IRAK1: variants seen among roughly 807,000 people sequenced by gnomAD.
The protein encoded by IRAK1 is interleukin 1 receptor associated kinase 1.
IRAK1 carries 9 observed loss-of-function variants against 49.8 expected under a neutral mutation model. The observed-to-expected ratio is 0.18, with a 90% CI of 0.11 to 0.32. The LOEUF is 0.32. IRAK1 is among the 10% of genes least tolerant of loss of function. The probability of loss-of-function intolerance (pLI) is 1.00; values close to 1 mark genes in which losing one functional copy is unlikely to be tolerated. For missense variants in IRAK1, 418 were observed against 600.5 expected (o/e 0.70, Z 3.18); for synonymous variants, 282 against 270.8 (o/e 1.04, Z -0.41).
At chrX:154,014,363 G>T in intron 10 of IRAK1, 85 bp from the exon 11 acceptor site, 1 of 747,972 alleles carries the variant, frequency 1.3e-6, no homozygotes, top group Non-Finnish European at 1.9e-6. Flanking sequence ...CAATCGTATG[G>T]GTTTTGATAA....
At chrX:154,019,150 TG>T (rs1294632779) in intron 3 of IRAK1, 46 bp downstream of exon 3, 1 of 1,206,567 alleles carries the variant, frequency 8.3e-7, no homozygotes, top group East Asian at 3.0e-5. Context: ...GTGGTCAAGG[TG>T]GGCTCTTCTT....
rs55809390 is a variant in IRAK1, at chrX:154,018,278, C to A, written c.794+13G>T. The A allele has an allele frequency of 1.4e-4, 165 of 1,147,651 alleles. No individual in the cohort carries two copies. In the African/African-American group the frequency reaches 2.8e-3, roughly 20 times the overall value. The allele number at this position is 1,147,651 out of a possible 1,213,427, so 94.6% of individuals were successfully genotyped here. A position where few individuals can be genotyped will look rare whatever the true frequency, so the allele number is the denominator to read the frequency against. On this transcript the variant is annotated intron_variant, in intron 6 of 13. Transcript: ENST00000369980. ...CCCCACGGGACCTGGTGTGGCTCCC[C>A]CTCTGGCCTCACCTGGACAGCTGCT...
rs781939555 is a variant in IRAK1, at chrX:154,018,012, G to A, written c.903C>T (p.His301=). The A allele has an allele frequency of 2.8e-5, 34 of 1,195,992 alleles. No homozygotes were observed. The highest frequency in any genetic ancestry group is 3.5e-5 in the Non-Finnish European group (31 of 882,422). ...LPNGSLEDRL[H]CQTQACPPLS... ...CCGGGCCAGGTGAGCCTACCTGGCAGTGGAGACGGTCCTCCAGGGAGCCGT... is the reference window on the plus strand; with the variant it reads ...CCGGGCCAGGTGAGCCTACCTGGCAATGGAGACGGTCCTCCAGGGAGCCGT... The change falls in exon 7 of 14, where the codon CAC becomes CAT. Residue 301 remains histidine (H), a synonymous_variant. Transcript: ENST00000369980.
At chrX:154,014,446 A>G in intron 10 of IRAK1, 168 bp from the exon 11 acceptor site, 1 of 488,574 alleles carries the variant, frequency 2.0e-6, no homozygotes, top group South Asian at 3.4e-5. Context: ...GGCTCAAGTG[A>G]TCCTCCCGCC....
chrX:154,016,613 G>A lies in IRAK1; in HGVS notation c.1060C>T (p.Pro354Ser). The part of the protein sequence containing the change: ...SNVLLDERLT[P>S]KLGDFGLARF... Reference sequence around the variant, plus strand: ...GCCAGGCCAAAGTCTCCCAGCTTGGGTGTCAGCCTCTCATCCAGAAGGACG... The same window carrying A: ...GCCAGGCCAAAGTCTCCCAGCTTGGATGTCAGCCTCTCATCCAGAAGGACG... The change falls in exon 9 of 14, where the codon CCC becomes TCC. Residue 354 changes from proline to serine, a missense_variant. Coordinates refer to ENST00000369980, the MANE Select transcript of IRAK1 (RefSeq NM_001569.4). The A allele has an allele frequency of 5.0e-6, 6 of 1,211,936 alleles. No homozygotes were observed. The highest frequency in any genetic ancestry group is 6.7e-6 in the Non-Finnish European group (6 of 895,096).
intron 10 of IRAK1, among the ~76,000 whole-genome samples, chrX:154,014,560 C>T (rs1416907434): frequency 9.1e-6 from 1 of 110,398 alleles, no homozygotes; most frequent in Non-Finnish European, 1.9e-5. Flanking sequence ...CATTCTGTCA[C>T]CCAGGCTGGA....
chrX:154,017,351 G>A (rs1359472932), intron 7 of IRAK1, among the ~76,000 whole-genome samples: 3 of 112,539 alleles, frequency 2.7e-5, no homozygotes, highest in Non-Finnish European at 5.6e-5. Context: ...CTCCCCAAAC[G>A]CAGCATGCAG....
chrX:154,010,906 C>T lies in IRAK1; in HGVS notation c.*953G>A, dbSNP rs3027899. On this transcript the variant is annotated 3_prime_UTR_variant, in exon 14 of 14. Transcript: ENST00000369980. ...GACCTGGCTCGGAGCTCGTCTGTGG[C>T]GCCCAGGGATGGCCTGGCTTGCAGG... The T allele has an allele frequency of 3.9e-3, 1,307 of 336,739 alleles. 17 individuals carry two copies. Among genetic ancestry groups the T allele is most frequent in the African/African-American group, 0.031 (1,165 of 37,413 alleles). The allele number at this position is 336,739 out of a possible 1,213,427, so 27.8% of individuals were successfully genotyped here. A position where few individuals can be genotyped will look rare whatever the true frequency, so the allele number is the denominator to read the frequency against.
intron 5 of IRAK1, 86 bp from the exon 6 acceptor site, chrX:154,018,441 T>G: frequency 1.1e-6 from 1 of 941,598 alleles, no homozygotes. Context: ...GGGCCACCAG[T>G]GCCACCTACC....
chrX:154,019,835 C>T lies in IRAK1; in HGVS notation c.-23G>A. 3.7e-6 allele frequency: 3 copies of T among 804,696 alleles called. No homozygotes were observed. The highest frequency in any genetic ancestry group is 6.3e-5 in the South Asian group (1 of 15,769). 66.3% of individuals were successfully genotyped at this position (804,696 alleles called of 1,213,427 possible). On this transcript the variant is annotated 5_prime_UTR_variant, in exon 1 of 14. Coordinates refer to ENST00000369980, the MANE Select transcript of IRAK1 (RefSeq NM_001569.4). ...CATGGCTGCCGCCGCCGGGCCGGGA[C>T]CTGCCGGGGCCTCTCAGGGCCGCGG... is the stretch of plus-strand genomic sequence containing the variant.
chrX:154,010,605 A>G lies in IRAK1; in HGVS notation c.*1254T>C, dbSNP rs1020214687. On this transcript the variant is annotated 3_prime_UTR_variant, in exon 14 of 14. Coordinates refer to ENST00000369980, the MANE Select transcript of IRAK1 (RefSeq NM_001569.4). ...GTGACTCACGGCTGAACACAAAATCACTGTGAAGCCTGTGCTACAGCCCTG... is the reference window on the plus strand; with the variant it reads ...GTGACTCACGGCTGAACACAAAATCGCTGTGAAGCCTGTGCTACAGCCCTG... 3.2e-5 allele frequency: 5 copies of G among 157,969 alleles called. No homozygotes were observed. The Admixed American group carries it at 3.5e-4, about 11-fold the overall frequency. The allele number at this position is 157,969 out of a possible 1,213,427, so 13.0% of individuals were successfully genotyped here. A position where few individuals can be genotyped will look rare whatever the true frequency, so the allele number is the denominator to read the frequency against.
chrX:154,014,725 G>C (rs1024182276), intron 10 of IRAK1, among the ~76,000 whole-genome samples: 1 of 111,968 alleles, frequency 8.9e-6, no homozygotes, highest in Non-Finnish European at 1.9e-5. Context: ...AGGCTCAAGC[G>C]ATCCTCCTGC....
Position 154,019,607 on chromosome X carries a change from CG to C in IRAK1, c.137-10del. On this transcript the variant is annotated splice_polypyrimidine_tract_variant and intron_variant, in intron 1 of 13. Coordinates refer to ENST00000369980, the MANE Select transcript of IRAK1 (RefSeq NM_001569.4). ...GCGCACGATCAGGGCGGCTGCGGGG[CG>C]GGGGGCGTCAGGCGTCGGCGCCAGG... 1.0e-6 allele frequency: 1 copy of C among 999,844 alleles called. No individual in the cohort carries two copies. The highest frequency in any genetic ancestry group is 1.3e-6 in the Non-Finnish European group (1 of 793,979). 82.4% of individuals were successfully genotyped at this position (999,844 alleles called of 1,213,427 possible).
Position 154,015,946 on chromosome X carries a change from C to T in IRAK1, c.1302+86G>A, listed in dbSNP as rs1348723534. 1.9e-5 allele frequency: 15 copies of T among 792,063 alleles called. 1 individual carries two copies. The highest frequency in any genetic ancestry group is 8.2e-4 in the Middle Eastern group (2 of 2,448). The allele number at this position is 792,063 out of a possible 1,213,427, so 65.3% of individuals were successfully genotyped here. On this transcript the variant is annotated intron_variant, in intron 10 of 13. Transcript: ENST00000369980. The stretch of plus-strand genomic sequence containing the variant: ...GCAGCAGAGGCATCCATGGGCACTG[C>T]GCCCCAGTTATCCCCGCCACTGGGG...
In IRAK1 at chrX:154,018,017, G is replaced by C; in HGVS notation, c.898C>G (p.Leu300Val). The C allele has an allele frequency of 8.3e-7, 1 of 1,202,759 alleles. No individual in the cohort carries two copies. The highest frequency in any genetic ancestry group is 1.1e-6 in the Non-Finnish European group (1 of 887,207). The change falls in exon 7 of 14, where the codon CTC becomes GTC. Residue 300 changes from leucine to valine, a missense_variant. Coordinates refer to ENST00000369980, the MANE Select transcript of IRAK1 (RefSeq NM_001569.4). ...FLPNGSLEDRLHCQTQACPPL... is the reference protein window; with the variant it reads ...FLPNGSLEDRVHCQTQACPPL... ...CCAGGTGAGCCTACCTGGCAGTGGAGACGGTCCTCCAGGGAGCCGTTGGGC... is the reference window on the plus strand; with the variant it reads ...CCAGGTGAGCCTACCTGGCAGTGGACACGGTCCTCCAGGGAGCCGTTGGGC...
In IRAK1 at chrX:154,014,051, A is replaced by C. The variant is rs377204141; in HGVS notation, c.1530T>G (p.Pro510=). 23 of 1,194,996 alleles carry C rather than the reference A, an allele frequency of 1.9e-5. No homozygotes were observed. In the East Asian group the frequency reaches 5.7e-4, roughly 29 times the overall value. The part of the protein sequence containing the change: ...CLHRRAKRRP[P]MTQVYERLEK... ...GTGCGCAGCTGGCTACCTGGGTCAT[A>C]GGAGGCCTCCTTTTGGCCCGGCGGT... The change falls in exon 11 of 14, where the codon CCT becomes CCG. Residue 510 remains proline (P), a synonymous_variant. Coordinates refer to ENST00000369980, the MANE Select transcript of IRAK1 (RefSeq NM_001569.4).
At chrX:154,014,825 A>G (rs2148639737) in intron 10 of IRAK1, among the ~76,000 whole-genome samples, 1 of 111,905 alleles carries the variant, frequency 8.9e-6, no homozygotes, top group African/African-American at 3.2e-5. Flanking sequence ...GAACAAACAG[A>G]ACCCTGGGAC....
rs1557127309 is a variant in IRAK1, at chrX:154,011,123, C to CA, written c.*735dup. 1 of 339,318 alleles carries CA rather than the reference C, an allele frequency of 2.9e-6. No individual in the cohort carries two copies. The allele number at this position is 339,318 out of a possible 1,213,427, so 28.0% of individuals were successfully genotyped here. On this transcript the variant is annotated 3_prime_UTR_variant, in exon 14 of 14. Transcript: ENST00000369980. The stretch of plus-strand genomic sequence containing the variant: ...TTTTTGAAACAGGGTCTTGCTCTGT[C>CA]ACCCAGGCTGGAGTGCAGTCATACA...
At position 154,018,746 on chromosome X, in the gene IRAK1, G is replaced by T; in HGVS notation, c.582C>A (p.Arg194=). 1.0e-6 allele frequency: 1 copy of T among 969,135 alleles called. No individual in the cohort carries two copies. Among genetic ancestry groups the T allele is most frequent in the Non-Finnish European group, 1.5e-6 (1 of 674,019 alleles). 79.9% of individuals were successfully genotyped at this position (969,135 alleles called of 1,213,427 possible). Residue 194 remains arginine, a synonymous_variant, in exon 5 of 14, where the codon CGC becomes CGA. Coordinates refer to ENST00000369980, the MANE Select transcript of IRAK1 (RefSeq NM_001569.4). ...ESSVSLLQGA[R]PFPFCWPLCE... ...AGAGGGGCCAGCAAAACGGAAAGGG[G>T]CGGGCTCCCTGCAGGAGGGACACTG...
Sources: allele counts gnomAD v4.1 joint callset (sites outside exome capture counted in the v4.1 genomes callset), GRCh38; gene constraint gnomAD v4.1.1; transcripts MANE v1.5; gene names NCBI Gene and HGNC (gene_info 2026-07-23, HGNC 2026-07-21).